The following PLD2 variants were observed in gnomAD, a reference collection of about 807,000 sequenced individuals.
PLD2 encodes the protein choline phosphatase 2.
Under a neutral mutation model 119.8 loss-of-function variants are expected in PLD2, and 101 were observed. That is an observed-to-expected ratio of 0.84 (90% confidence interval 0.72 to 0.99). The LOEUF (loss-of-function observed/expected upper bound fraction) is 0.99, where lower values mean the gene tolerates loss of function less well. PLD2 is among the 50% of genes least tolerant of loss of function. The probability of loss-of-function intolerance (pLI) is 0.00; values close to 1 mark genes in which losing one functional copy is unlikely to be tolerated. For synonymous variants in PLD2, 494 were observed against 482.8 expected (o/e 1.02, Z -0.30); for missense variants, 1,164 against 1,226.8 (o/e 0.95, Z 0.76).
At position 4,807,929 on chromosome 17, in the gene PLD2, G is replaced by C. The variant is rs1299263627; in HGVS notation, c.109+48G>C. The C allele has an allele frequency of 6.2e-7, 1 of 1,607,290 alleles. No individual in the cohort carries two copies. The highest frequency in any genetic ancestry group is 8.5e-7 in the Non-Finnish European group (1 of 1,174,672). ...CCTCAGGGAGGAGAGGCGTTCGGGA[G>C]CCAGGGGGCTGGGGCCTGTTGTGGT... On this transcript the variant is annotated intron_variant, in intron 2 of 24. Transcript: ENST00000263088. This position sits in a 1 kb window ranked among gnomAD's most constrained non-coding sequence, Gnocchi z 5.4.
rs1906580020 is a variant in PLD2, at chr17:4,812,490, TC to T, written c.1010+1540del. ...TTGTATTTTTAGTAGAGCCAGGGTT[TC>T]ACCATGTTGGCCAGGATGGTCTCGA... On this transcript the variant is annotated intron_variant, in intron 10 of 24. Transcript: ENST00000263088. Among the ~76,000 whole-genome samples, 3 of 152,046 alleles carry T rather than the reference TC, an allele frequency of 2.0e-5. No homozygotes were observed. The South Asian group carries it at 6.2e-4, about 32-fold the overall frequency.
At chr17:4,820,966 G>A (rs1200938048) in intron 23 of PLD2, among the ~76,000 whole-genome samples, 1 of 149,012 alleles carries the variant, frequency 6.7e-6, no homozygotes, top group Non-Finnish European at 1.5e-5. Flanking sequence ...GCAGTGGCGC[G>A]ATCTCGGCTC....
chr17:4,822,347 C>T (rs1229645050), intron 24 of PLD2, among the ~76,000 whole-genome samples: 1 of 151,492 alleles, frequency 6.6e-6, no homozygotes, highest in Non-Finnish European at 1.5e-5. Context: ...CAAAAGTTAG[C>T]CGGGCATGGT....
intron 15 of PLD2, 46 bp from the exon 16 acceptor site, chr17:4,816,891 G>A (rs1265689248): frequency 1.3e-6 from 2 of 1,585,812 alleles, no homozygotes; most frequent in East Asian, 2.2e-5. Context: ...AGTGTCCCAA[G>A]GAGTCCAGCC....
intron 23 of PLD2, among the ~76,000 whole-genome samples, chr17:4,820,509 G>A (rs9635705): frequency 0.16 from 22,948 of 144,620 alleles, 2,289 homozygotes; most frequent in Non-Finnish European, 0.22. Flanking sequence ...CTCAGGCTTC[G>A]GCCTCCCAAA....
rs1395516813 is a variant in PLD2 at position 4,819,279 on chromosome 17, A to G, written c.2308+61A>G. On this transcript the variant is annotated intron_variant, in intron 22 of 24. Coordinates refer to ENST00000263088, the MANE Select transcript of PLD2 (RefSeq NM_002663.5). This position sits in a 1 kb window ranked among gnomAD's most constrained non-coding sequence, Gnocchi z 4.2. ...GTGTGGGGACAGGCGAAGAGATGAG[A>G]GGCAGGATGACAGAGACTGCAGCTG... 16 of 1,605,834 alleles carry G rather than the reference A, an allele frequency of 1.0e-5. No individual in the cohort carries two copies. The highest frequency in any genetic ancestry group is 1.4e-5 in the Non-Finnish European group (16 of 1,175,264).
At position 4,815,589 on chromosome 17, in the gene PLD2, G is replaced by A. The variant is rs1432957924; in HGVS notation, c.1284+3G>A. 1 of 1,610,352 alleles carries A rather than the reference G, an allele frequency of 6.2e-7. No individual in the cohort carries two copies. Among genetic ancestry groups the A allele is most frequent in the Non-Finnish European group, 8.5e-7 (1 of 1,176,876 alleles). On this transcript the variant is annotated splice_donor_region_variant and intron_variant, in intron 13 of 24. Coordinates refer to ENST00000263088, the MANE Select transcript of PLD2 (RefSeq NM_002663.5). ...TGCTGCTGCACCCCAACATAAAGGTGACTCTCGGCCTCAGAGACCCTCCCA... is the reference window on the plus strand; with the variant it reads ...TGCTGCTGCACCCCAACATAAAGGTAACTCTCGGCCTCAGAGACCCTCCCA...
At chr17:4,812,100 C>T (rs967682080) in intron 10 of PLD2, among the ~76,000 whole-genome samples, 15 of 151,016 alleles carry the variant, frequency 9.9e-5, no homozygotes, top group Non-Finnish European at 1.6e-4. Context: ...CAGGCATGAG[C>T]GACAGTGCCT....
Position 4,809,929 on chromosome 17 carries a change from G to A in PLD2, c.760G>A (p.Ala254Thr), listed in dbSNP as rs1906276364. The change falls in exon 9 of 25, where the codon GCC becomes ACC. Residue 254 changes from alanine (A) to threonine (T), a missense_variant. By Grantham distance (58) the Ala-to-Thr change is moderately conservative. Transcript: ENST00000263088. ...GCTGTACATGTGCCTCGAGACAGGTGCCATCTCATTTGTTCAGCTCTTTGA... is the reference window on the plus strand; with the variant it reads ...GCTGTACATGTGCCTCGAGACAGGTACCATCTCATTTGTTCAGCTCTTTGA... ...FLLYMCLETG[A>T]ISFVQLFDPG... 2 of 1,614,198 alleles carry A rather than the reference G, an allele frequency of 1.2e-6. No individual in the cohort carries two copies. Among genetic ancestry groups the A allele is most frequent in the Non-Finnish European group, 1.7e-6 (2 of 1,180,032 alleles).
In PLD2 at chr17:4,815,868, C is replaced by T; in HGVS notation, c.1389C>T (p.Gly463=). The T allele has an allele frequency of 6.2e-7, 1 of 1,614,116 alleles. No individual in the cohort carries two copies. Among genetic ancestry groups the T allele is most frequent in the Non-Finnish European group, 8.5e-7 (1 of 1,180,008 alleles). The stretch of plus-strand genomic sequence containing the variant: ...TGGGGGGACTGGACCTTGCCTATGG[C>T]CGCTGGGATGACCTGCACTACCGAC... The part of the protein sequence containing the change: ...AFLGGLDLAY[G]RWDDLHYRLT... Residue 463 remains glycine (G), a synonymous_variant, in exon 14 of 25, where the codon GGC becomes GGT. Transcript: ENST00000263088.
At chr17:4,817,936 C>T in intron 17 of PLD2, 66 bp from the exon 18 acceptor site, 1 of 1,128,904 alleles carries the variant, frequency 8.9e-7, no homozygotes, top group Admixed American at 1.9e-5. Flanking sequence ...CCAGCCTAGG[C>T]AACAGAGCGA....
At chr17:4,811,537 C>A (rs942654657) in intron 10 of PLD2, among the ~76,000 whole-genome samples, 1 of 152,160 alleles carries the variant, frequency 6.6e-6, no homozygotes, top group Non-Finnish European at 1.5e-5. Flanking sequence ...CTCGGCCTCC[C>A]GAAGTGCTGG....
chr17:4,818,174 TG>T, intron 18 of PLD2, 68 bp downstream of exon 18: 1 of 1,418,928 alleles, frequency 7.0e-7, no homozygotes, highest in Non-Finnish European at 1.0e-6. Context: ...GGGGAATGAG[TG>T]GAGTCAGTCA....
chr17:4,815,558 C>A lies in PLD2; in HGVS notation c.1256C>A (p.Ala419Glu). The change falls in exon 13 of 25, where the codon GCG (alanine) becomes GAG (glutamate). Residue 419 changes from alanine to glutamate, a missense_variant. Ala to Glu is a moderately radical substitution (Grantham distance 107, BLOSUM62 -1). Coordinates refer to ENST00000263088, the MANE Select transcript of PLD2 (RefSeq NM_002663.5). ...ATCAACAGTGGCTATAGCAAGAGGGCGCTGATGCTGCTGCACCCCAACATA... is the reference window on the plus strand; with the variant it reads ...ATCAACAGTGGCTATAGCAAGAGGGAGCTGATGCTGCTGCACCCCAACATA... ...LGINSGYSKR[A>E]LMLLHPNIKV... 1 of 1,612,998 alleles carries A rather than the reference C, an allele frequency of 6.2e-7. No individual in the cohort carries two copies. The highest frequency in any genetic ancestry group is 8.5e-7 in the Non-Finnish European group (1 of 1,179,136).
At position 4,809,672 on chromosome 17, in the gene PLD2, C is replaced by T; in HGVS notation, c.615-19C>T. 1 of 1,613,858 alleles carries T rather than the reference C, an allele frequency of 6.2e-7. No individual in the cohort carries two copies. The highest frequency in any genetic ancestry group is 1.3e-5 in the African/African-American group (1 of 75,056). ...GGTCTGGAGTCCTCATCCCGCCTCT[C>T]TTCCTGATTGTCCCACAGGGAGGGG... On this transcript the variant is annotated intron_variant, in intron 7 of 24. Transcript: ENST00000263088.
At position 4,821,811 on chromosome 17, in the gene PLD2, T is replaced by C. The variant is rs372251631; in HGVS notation, c.2481T>C (p.Asn827=). Residue 827 remains asparagine (N), a synonymous_variant, in exon 24 of 25, where the codon AAT becomes AAC. Coordinates refer to ENST00000263088, the MANE Select transcript of PLD2 (RefSeq NM_002663.5). ...CCTATAGTGTGATTCTTGGAGCAAA[T>C]ACCCGGCCAGACTTGGATCTCCGAG... ...KHCFGVILGA[N]TRPDLDLRDP... is the part of the protein sequence containing the mutation. 1 of 1,613,732 alleles carries C rather than the reference T, an allele frequency of 6.2e-7. No individual in the cohort carries two copies. The highest frequency in any genetic ancestry group is 8.5e-7 in the Non-Finnish European group (1 of 1,179,682).
At position 4,822,534 on chromosome 17, in the gene PLD2, G is replaced by A. The variant is rs553387566; in HGVS notation, c.2578-106G>A. Reference sequence around the variant, plus strand: ...AGAGAGTTAGTGGCCCAGGGTCAACGGGGGGTATGGAGAGATGGTATGGGG... The same window carrying A: ...AGAGAGTTAGTGGCCCAGGGTCAACAGGGGGTATGGAGAGATGGTATGGGG... On this transcript the variant is annotated intron_variant, in intron 24 of 24. Coordinates refer to ENST00000263088, the MANE Select transcript of PLD2 (RefSeq NM_002663.5). The A allele has an allele frequency of 7.3e-5, 50 of 687,284 alleles. No homozygotes were observed. In the African/African-American group the frequency reaches 7.8e-4, roughly 11 times the overall value. The allele number at this position is 687,284 out of a possible 1,614,324, so 42.6% of individuals were successfully genotyped here. A position where few individuals can be genotyped will look rare whatever the true frequency, so the allele number is the denominator to read the frequency against.
Position 4,819,154 on chromosome 17 carries a change from C to A in PLD2, c.2244C>A (p.Pro748=), listed in dbSNP as rs746664729. The change falls in exon 22 of 25, where the codon CCC becomes CCA. Residue 748 remains proline, a synonymous_variant. Coordinates refer to ENST00000263088, the MANE Select transcript of PLD2 (RefSeq NM_002663.5). The surrounding 1 kb of genome is among the most constrained non-coding windows in gnomAD (Gnocchi z 4.2). Reference sequence around the variant, plus strand: ...CACACGGAGAGCTGGGCGGGCACCCCGTCTCGGAGCTCATCTACATCCACA... The same window carrying A: ...CACACGGAGAGCTGGGCGGGCACCCAGTCTCGGAGCTCATCTACATCCACA... ...LRTHGELGGH[P]VSELIYIHSK... is the part of the protein sequence containing the mutation. The A allele has an allele frequency of 1.2e-6, 2 of 1,614,016 alleles. No homozygotes were observed. Among genetic ancestry groups the A allele is most frequent in the Admixed American group, 1.7e-5 (1 of 59,990 alleles).
chr17:4,809,174 AG>A lies in PLD2; in HGVS notation c.461del (p.Gly154AlafsTer21), dbSNP rs767454574. 9.5e-5 allele frequency: 153 copies of A among 1,614,028 alleles called. No individual in the cohort carries two copies. The highest frequency in any genetic ancestry group is 6.5e-5 in the Non-Finnish European group (77 of 1,180,016). On this transcript the variant is annotated frameshift_variant, in exon 5 of 25. Coordinates refer to ENST00000263088, the MANE Select transcript of PLD2 (RefSeq NM_002663.5). LOFTEE classifies it high-confidence loss of function. ...EMPSLPRAGPEGSTRHAASKQ... is the reference protein window; with the variant it reads ...EMPSLPRAGPXGSTRHAASKQ... ...CCCTCTCTACCCCGGGCAGGTCCTG[AG>A]GGCTCCACCAGACATGCAGCCAGCA...
Sources: gnomAD v4.1 joint callset for allele counts (sites outside exome capture counted in the v4.1 genomes callset) on GRCh38, gnomAD v4.1.1 for gene constraint, Gnocchi (gnomAD v3.1) non-coding constraint, MANE v1.5 for transcripts, NCBI Gene and HGNC (gene_info 2026-07-23, HGNC 2026-07-21) for gene names.